Variants in LRP1B observed in about 807,000 individuals in gnomAD.
LRP1B encodes low-density lipoprotein receptor-related protein 1B.
A neutral mutation model predicts 556.6 loss-of-function variants in LRP1B; 217 were observed. That is an observed-to-expected ratio of 0.39 (90% CI 0.35 to 0.44). The LOEUF is 0.44. LRP1B is among the 20% of genes least tolerant of loss of function. The pLI is 1.00. For missense variants in LRP1B, 5,053 were observed against 5,620.8 expected (o/e 0.90, Z 3.23); for synonymous variants, 2,047 against 1,865.8 (o/e 1.10, Z -2.50).
At chr2:141,835,163 A>G (rs1389376199) in intron 1 of LRP1B, among the ~76,000 whole-genome samples, 2 of 152,042 alleles carry the variant, frequency 1.3e-5, no homozygotes, top group Non-Finnish European at 2.9e-5. Context: ...TTAACTTTGG[A>G]ATAACATTTG....
chr2:141,928,250 G>A (rs574035389), intron 1 of LRP1B, among the ~76,000 whole-genome samples: 1 of 152,300 alleles, frequency 6.6e-6, no homozygotes, highest in South Asian at 2.1e-4. Context: ...TTAGATTTAA[G>A]TTGAATATAT....
At chr2:140,292,925 T>A (rs925464239) in intron 84 of LRP1B, among the ~76,000 whole-genome samples, 1 of 152,162 alleles carries the variant, frequency 6.6e-6, no homozygotes, top group African/African-American at 2.4e-5. Context: ...TACTTGATAG[T>A]CTGTGGTTCT....
At chr2:141,738,631 A>G (rs1042376274) in intron 2 of LRP1B, among the ~76,000 whole-genome samples, 1 of 152,182 alleles carries the variant, frequency 6.6e-6, no homozygotes, top group Non-Finnish European at 1.5e-5. Flanking sequence ...AAGTTAGTTT[A>G]AATATCAGTT....
chr2:141,847,450 T>A (rs1466994176), intron 1 of LRP1B, among the ~76,000 whole-genome samples: 2 of 151,556 alleles, frequency 1.3e-5, no homozygotes, highest in East Asian at 1.9e-4. Flanking sequence ...TGATTTTTTT[T>A]AAAAGACATG....
intron 59 of LRP1B, among the ~76,000 whole-genome samples, chr2:140,477,993 A>G (rs1688042736): frequency 6.6e-6 from 1 of 152,182 alleles, no homozygotes; most frequent in African/African-American, 2.4e-5. Flanking sequence ...AGTGAATAAT[A>G]ATTTTACCTA....
intron 2 of LRP1B, among the ~76,000 whole-genome samples, chr2:141,779,419 C>CG: frequency 7.6e-6 from 1 of 130,836 alleles, no homozygotes; most frequent in South Asian, 2.5e-4. Context: ...AAAATAAAAA[C>CG]TTTTTTTTTT....
Position 140,339,457 on chromosome 2 carries a change from A to AT in LRP1B, c.11893-3620dup, listed in dbSNP as rs576992362. Among the ~76,000 whole-genome samples the AT allele has an allele frequency of 2.3e-3, 345 of 151,640 alleles. 3 individuals are homozygous for AT. The highest frequency in any genetic ancestry group is 7.5e-3 in the African/African-American group (310 of 41,464). On this transcript the variant is annotated intron_variant, in intron 77 of 90. Transcript: ENST00000389484. ...AGGTGATATCACATATTTATTTGTG[A>AT]TTTTTTTCATCTTGGTGTACATCTA...
At chr2:140,313,830 G>C (rs1333557342) in intron 83 of LRP1B, among the ~76,000 whole-genome samples, 1 of 151,502 alleles carries the variant, frequency 6.6e-6, no homozygotes, top group Non-Finnish European at 1.5e-5. Flanking sequence ...AAAAATATGT[G>C]GTAAGACTCC....
intron 1 of LRP1B, among the ~76,000 whole-genome samples, chr2:141,903,665 T>A (rs1574479004): frequency 1.3e-5 from 2 of 151,988 alleles, no homozygotes; most frequent in Admixed American, 6.6e-5. Context: ...ATTTTCTACA[T>A]GCTAGGCAGT....
At chr2:141,421,430 G>T (rs12468837) in intron 3 of LRP1B, among the ~76,000 whole-genome samples, 43,944 of 149,366 alleles carry the variant, frequency 0.29, 6,597 homozygotes, top group Admixed American at 0.32. Flanking sequence ...TTGGGAGGCT[G>T]AGGCAGGAGA....
At chr2:141,648,263 G>T (rs901389216) in intron 2 of LRP1B, among the ~76,000 whole-genome samples, 1 of 152,150 alleles carries the variant, frequency 6.6e-6, no homozygotes, top group Non-Finnish European at 1.5e-5. Context: ...CATTCATTGA[G>T]TCCAATAATC....
At chr2:141,506,813 C>T (rs1295302695) in intron 2 of LRP1B, among the ~76,000 whole-genome samples, 2 of 151,714 alleles carry the variant, frequency 1.3e-5, no homozygotes, top group Non-Finnish European at 2.9e-5. Context: ...TTAAAAAGTG[C>T]CCTTGGGAAA....
chr2:141,952,938 G>A (rs577345629), intron 1 of LRP1B, among the ~76,000 whole-genome samples: 118 of 152,094 alleles, frequency 7.8e-4, no homozygotes, highest in African/African-American at 2.7e-3. Flanking sequence ...ATTTTTTACC[G>A]TGTATTCTGA....
At chr2:140,750,928 C>G (rs1168133927) in intron 35 of LRP1B, among the ~76,000 whole-genome samples, 1 of 151,892 alleles carries the variant, frequency 6.6e-6, no homozygotes, top group East Asian at 1.9e-4. Flanking sequence ...ACTCCAGACA[C>G]TCATCTATGA....
At position 140,636,272 on chromosome 2, in the gene LRP1B, G is replaced by A. The variant is rs190432728; in HGVS notation, c.6800-34633C>T. ...CCTTAGCATGGAAGACTCAATACCC[G>A]TGGTAGATTATGTATAGTAGCATGG... On this transcript the variant is annotated intron_variant, in intron 41 of 90. Coordinates refer to ENST00000389484, the MANE Select transcript of LRP1B (RefSeq NM_018557.3). Among the ~76,000 whole-genome samples, 27 of 152,196 alleles carry A rather than the reference G, an allele frequency of 1.8e-4. No homozygotes were observed. The East Asian group carries it at 2.7e-3, about 15-fold the overall frequency.
chr2:140,537,942 G>A (rs1370011194), intron 45 of LRP1B, among the ~76,000 whole-genome samples: 1 of 152,008 alleles, frequency 6.6e-6, no homozygotes, highest in Non-Finnish European at 1.5e-5. Flanking sequence ...TATACTGTCT[G>A]CTTGCATGTA....
intron 86 of LRP1B, chr2:140,269,158 A>G: frequency 2.4e-6 from 1 of 410,080 alleles, no homozygotes; most frequent in Admixed American, 2.8e-5. Context: ...GAGCCCCGAG[A>G]TTAAGTATAC....
chr2:140,754,769 GA>G (rs35390789), intron 35 of LRP1B, among the ~76,000 whole-genome samples: 57,587 of 142,438 alleles, frequency 0.4, 11,344 homozygotes, highest in South Asian at 0.53. Context: ...TTAAGAACTA[GA>G]AAAAAAAAAA....
At chr2:141,164,232 G>T (rs774417623) in intron 7 of LRP1B, among the ~76,000 whole-genome samples, 1 of 151,884 alleles carries the variant, frequency 6.6e-6, no homozygotes, top group Non-Finnish European at 1.5e-5. Flanking sequence ...AGAACTAAGC[G>T]TTCTGTGGAA....
Sources: gnomAD v4.1 joint callset for allele counts (sites outside exome capture counted in the v4.1 genomes callset) on GRCh38, gnomAD v4.1.1 for gene constraint, MANE v1.5 for transcripts, NCBI Gene and HGNC (gene_info 2026-07-23, HGNC 2026-07-21) for gene names.